ADK: variants seen among roughly 807,000 people sequenced by gnomAD.
The protein encoded by ADK is N6,N6-dimethyladenosine kinase.
Under a neutral mutation model 44.7 loss-of-function variants are expected in ADK, and 24 were observed. That is an observed-to-expected ratio of 0.54 (90% CI 0.39 to 0.76). The LOEUF (loss-of-function observed/expected upper bound fraction) is 0.76, where lower values mean the gene tolerates loss of function less well. Ranked by LOEUF, ADK falls within the 30% of genes least tolerant of loss-of-function variation. The probability of loss-of-function intolerance (pLI) is 0.00; values close to 1 mark genes in which losing one functional copy is unlikely to be tolerated. For missense variants in ADK, 321 were observed against 425.1 expected (o/e 0.76, Z 2.15); for synonymous variants, 128 against 142.6 (o/e 0.90, Z 0.73).
At chr10:74,407,475 G>A (rs554332915) in intron 6 of ADK, among the ~76,000 whole-genome samples, 2 of 152,168 alleles carry the variant, frequency 1.3e-5, no homozygotes, top group South Asian at 4.1e-4. Context: ...TAATATTCAT[G>A]TCTACTAATT....
chr10:74,669,972 G>A (rs1441149914), intron 9 of ADK, among the ~76,000 whole-genome samples: 1 of 152,164 alleles, frequency 6.6e-6, no homozygotes, highest in Non-Finnish European at 1.5e-5. Context: ...GACGTATACA[G>A]CAGCATCTGT....
chr10:74,207,535 C>T (rs1843649087), intron 2 of ADK, among the ~76,000 whole-genome samples: 1 of 152,176 alleles, frequency 6.6e-6, no homozygotes, highest in Admixed American at 6.5e-5. Context: ...GTGGGTAGCT[C>T]CTTTCTGCAG....
intron 7 of ADK, among the ~76,000 whole-genome samples, chr10:74,567,053 C>A (rs1850696066): frequency 6.6e-6 from 1 of 152,134 alleles, no homozygotes; most frequent in Non-Finnish European, 1.5e-5. Context: ...CAGTTTGTAT[C>A]TTGCCCAAAG....
intron 7 of ADK, among the ~76,000 whole-genome samples, chr10:74,570,021 T>C (rs1850881845): frequency 6.6e-6 from 1 of 152,146 alleles, no homozygotes; most frequent in Non-Finnish European, 1.5e-5. Context: ...CACCATTTAT[T>C]AAATAGGGAA....
chr10:74,395,537 A>T (rs1023878256), intron 5 of ADK, among the ~76,000 whole-genome samples: 23 of 151,476 alleles, frequency 1.5e-4, no homozygotes, highest in Non-Finnish European at 3.2e-4. Flanking sequence ...CAGGGATTTT[A>T]AAAAAAAACA....
intron 6 of ADK, among the ~76,000 whole-genome samples, chr10:74,459,447 T>G (rs936691394): frequency 6.6e-6 from 1 of 151,852 alleles, no homozygotes; most frequent in Non-Finnish European, 1.5e-5. Flanking sequence ...AAAGTTAGGC[T>G]CAGCCGGGTG....
At chr10:74,543,808 T>C (rs1849732198) in intron 7 of ADK, among the ~76,000 whole-genome samples, 1 of 152,150 alleles carries the variant, frequency 6.6e-6, no homozygotes. Context: ...ATCCAAGAAC[T>C]AAAAAGTGAT....
rs1283925936 is a variant in ADK at position 74,217,293 on chromosome 10, G to A, written c.141-7245G>A. On this transcript the variant is annotated intron_variant, in intron 2 of 10. Transcript: ENST00000539909. Reference sequence around the variant, plus strand: ...TAGCACAGCAGTCTCAGATCAAACTGCAAGGCGGCAGCGAGGCTGGGAGAG... The same window carrying A: ...TAGCACAGCAGTCTCAGATCAAACTACAAGGCGGCAGCGAGGCTGGGAGAG... 3.9e-5 allele frequency among the ~76,000 whole-genome samples: 6 copies of A among 152,362 alleles called. No homozygotes were observed. In the South Asian group the frequency reaches 1.2e-3, roughly 32 times the overall value.
chr10:74,499,173 TC>T (rs1385468912), intron 6 of ADK, among the ~76,000 whole-genome samples: 3 of 152,118 alleles, frequency 2.0e-5, no homozygotes, highest in African/African-American at 7.2e-5. Flanking sequence ...TACCTCAGCC[TC>T]CCTAGTAGTT....
At chr10:74,509,724 C>G (rs1848227860) in intron 6 of ADK, among the ~76,000 whole-genome samples, 2 of 151,850 alleles carry the variant, frequency 1.3e-5, no homozygotes, top group Admixed American at 1.3e-4. Flanking sequence ...CAAATTTTTC[C>G]CTATCCTTCC....
intron 9 of ADK, chr10:74,654,953 A>G (rs1854424637): frequency 6.4e-6 from 1 of 156,958 alleles, no homozygotes; most frequent in African/African-American, 2.4e-5. Flanking sequence ...GCACCTGGGC[A>G]ACATGTCGGA....
intron 7 of ADK, among the ~76,000 whole-genome samples, chr10:74,562,182 A>T (rs946704949): frequency 6.6e-6 from 1 of 152,224 alleles, no homozygotes; most frequent in Non-Finnish European, 1.5e-5. Context: ...AAACATAGTT[A>T]CAGGGGAAGT....
chr10:74,599,419 TA>T (rs1439780568), intron 8 of ADK, among the ~76,000 whole-genome samples: 1 of 152,214 alleles, frequency 6.6e-6, no homozygotes, highest in Non-Finnish European at 1.5e-5. Flanking sequence ...CTCTCTCATA[TA>T]TTCTATTTGT....
chr10:74,641,493 T>G (rs1174725447), intron 9 of ADK: 1 of 152,246 alleles, frequency 6.6e-6, no homozygotes, highest in East Asian at 1.9e-4. Flanking sequence ...TATTCTAATA[T>G]GGAGATAAGT....
At chr10:74,164,020 A>C (rs534860036) in intron 1 of ADK, among the ~76,000 whole-genome samples, 3 of 152,324 alleles carry the variant, frequency 2.0e-5, no homozygotes, top group Non-Finnish European at 4.4e-5. Flanking sequence ...GCTGTTGTCT[A>C]TATCTGTTCT....
At chr10:74,499,742 G>T (rs1413098825) in intron 6 of ADK, among the ~76,000 whole-genome samples, 1 of 152,080 alleles carries the variant, frequency 6.6e-6, no homozygotes, top group Non-Finnish European at 1.5e-5. Flanking sequence ...AGATAACTAG[G>T]CATGTCTTAC....
At chr10:74,387,777 G>C (rs1843193473) in intron 4 of ADK, among the ~76,000 whole-genome samples, 1 of 152,082 alleles carries the variant, frequency 6.6e-6, no homozygotes, top group Non-Finnish European at 1.5e-5. Flanking sequence ...CTCCAGTTAG[G>C]TATAATTACT....
intron 10 of ADK, among the ~76,000 whole-genome samples, chr10:74,671,430 A>G (rs1294165132): frequency 6.6e-6 from 1 of 152,166 alleles, no homozygotes; most frequent in Non-Finnish European, 1.5e-5. Flanking sequence ...CCAGTCTTAA[A>G]TGAACTATTA....
chr10:74,445,248 C>A (rs1185964405), intron 6 of ADK, among the ~76,000 whole-genome samples: 2 of 151,900 alleles, frequency 1.3e-5, no homozygotes, highest in Non-Finnish European at 2.9e-5. Flanking sequence ...CTTGACATAT[C>A]TTGAGTTCTT....
Sources: allele counts gnomAD v4.1 joint callset (sites outside exome capture counted in the v4.1 genomes callset), GRCh38; gene constraint gnomAD v4.1.1; transcripts MANE v1.5; gene names NCBI Gene and HGNC (gene_info 2026-07-23, HGNC 2026-07-21).